ZNF462: variants seen among roughly 807,000 people sequenced by gnomAD.
ZNF462 encodes the protein zinc finger PBX1-interacting protein.
ZNF462 carries 10 observed loss-of-function variants against 201.9 expected under a neutral mutation model. The observed-to-expected ratio is 0.05, with a 90% CI of 0.03 to 0.08. The LOEUF (loss-of-function observed/expected upper bound fraction) is 0.08. Ranked by LOEUF, ZNF462 falls within the 10% of genes least tolerant of loss-of-function variation. The pLI, the probability that ZNF462 is intolerant of heterozygous loss-of-function variation, is 1.00. For synonymous variants in ZNF462, 1,227 were observed against 1,193.3 expected (o/e 1.03, Z -0.58); for missense variants, 2,523 against 3,168.3 (o/e 0.80, Z 4.89).
chr9:106,952,085 T>C (rs1831377516), intron 7 of ZNF462, among the ~76,000 whole-genome samples: 1 of 152,100 alleles, frequency 6.6e-6, no homozygotes, highest in South Asian at 2.1e-4. Context: ...GCTGGAACCA[T>C]GAGTTTGAGA....
rs1588219209 is a variant in ZNF462 at position 107,012,715 on chromosome 9, T to G, written c.*1685T>G. On this transcript the variant is annotated 3_prime_UTR_variant, in exon 13 of 13. Coordinates refer to ENST00000277225, the MANE Select transcript of ZNF462 (RefSeq NM_021224.6). ...TGTGAATCCTTTGGTTTTCATGTTT[T>G]TTTTTTTTTTTTTTTACTTGGAAGG... 1 of 136,446 alleles carries G rather than the reference T, an allele frequency of 7.3e-6. No homozygotes were observed. Among genetic ancestry groups the G allele is most frequent in the Non-Finnish European group, 1.5e-5 (1 of 65,040 alleles). 8.5% of individuals were successfully genotyped at this position (136,446 alleles called of 1,614,324 possible). A position where few individuals can be genotyped will look rare whatever the true frequency, so the allele number is the denominator to read the frequency against.
Position 106,928,870 on chromosome 9 carries a change from A to C in ZNF462, c.4958A>C (p.His1653Pro), listed in dbSNP as rs929663013. 3 of 1,613,942 alleles carry C rather than the reference A, an allele frequency of 1.9e-6. No individual in the cohort carries two copies. Among genetic ancestry groups the C allele is most frequent in the Non-Finnish European group, 2.5e-6 (3 of 1,180,002 alleles). The change falls in exon 3 of 13, where the codon CAC becomes CCC. Residue 1653 changes from histidine (H) to proline (P), a missense_variant. Physicochemically the swap from His to Pro is moderately conservative, Grantham distance 77. Coordinates refer to ENST00000277225, the MANE Select transcript of ZNF462 (RefSeq NM_021224.6). This position sits in a 1 kb window ranked among gnomAD's most constrained non-coding sequence, Gnocchi z 9.3. Reference sequence around the variant, plus strand: ...TCCACTTCTCACTTCTCTACCTCCCACCTGGTCTCCCACACTGTGTTCCGG... The same window carrying C: ...TCCACTTCTCACTTCTCTACCTCCCCCCTGGTCTCCCACACTGTGTTCCGG... ...PVSTSHFSTS[H>P]LVSHTVFRCQ...
At chr9:106,957,846 C>T (rs1439659641) in intron 7 of ZNF462, among the ~76,000 whole-genome samples, 2 of 152,056 alleles carry the variant, frequency 1.3e-5, no homozygotes, top group African/African-American at 2.4e-5. Flanking sequence ...CTGTGGTTTG[C>T]AGCACATGGA....
At chr9:106,959,593 G>A (rs888435531) in intron 7 of ZNF462, among the ~76,000 whole-genome samples, 1 of 152,046 alleles carries the variant, frequency 6.6e-6, no homozygotes, top group African/African-American at 2.4e-5. Context: ...GAGGTGTGTT[G>A]GGTTAAAAGT....
Position 106,938,817 on chromosome 9 carries a change from C to G in ZNF462, c.6236-99C>G. The G allele has an allele frequency of 7.8e-7, 1 of 1,282,100 alleles. No individual in the cohort carries two copies. Among genetic ancestry groups the G allele is most frequent in the Admixed American group, 2.5e-5 (1 of 40,472 alleles). 79.4% of individuals were successfully genotyped at this position (1,282,100 alleles called of 1,614,324 possible). ...AGAACATGAAGCTTGAGATGCGCTT[C>G]TCTAGCATGAGTTAACTGAGTTATC... On this transcript the variant is annotated intron_variant, in intron 6 of 12. Coordinates refer to ENST00000277225, the MANE Select transcript of ZNF462 (RefSeq NM_021224.6). This position sits in a 1 kb window ranked among gnomAD's most constrained non-coding sequence, Gnocchi z 4.4.
Position 106,925,553 on chromosome 9 carries a change from A to ACCG in ZNF462, c.1650_1652dup (p.Pro554dup), listed in dbSNP as rs778526221. ...AGCAACAGCCACCGCAGCCACCACCACCGCCGCCGCCACCACCACCATCAC... is the reference window on the plus strand; with the variant it reads ...AGCAACAGCCACCGCAGCCACCACCACCGCCGCCGCCGCCACCACCACCATCAC... On this transcript the variant is annotated inframe_insertion, in exon 3 of 13. Transcript: ENST00000277225. This position sits in a 1 kb window ranked among gnomAD's most constrained non-coding sequence, Gnocchi z 7.9. 6.2e-6 allele frequency: 10 copies of ACCG among 1,610,626 alleles called. No homozygotes were observed. The highest frequency in any genetic ancestry group is 8.5e-6 in the Non-Finnish European group (10 of 1,178,536).
Position 106,942,496 on chromosome 9 carries a change from C to G in ZNF462, c.6427+3389C>G, listed in dbSNP as rs368957332. Among the ~76,000 whole-genome samples, 102 of 152,222 alleles carry G rather than the reference C, an allele frequency of 6.7e-4. 2 individuals are homozygous for G. The South Asian group carries it at 0.021, about 31-fold the overall frequency. On this transcript the variant is annotated intron_variant, in intron 7 of 12. Transcript: ENST00000277225. ...GTTGTTGGAAAGAAAAGCAACGGCT[C>G]TATGGTATTGGTTTTGTGTATAAGA...
At position 106,978,907 on chromosome 9, in the gene ZNF462, T is replaced by C. The variant is rs1281083774; in HGVS notation, c.6832+4634T>C. 9.1e-6 allele frequency: 3 copies of C among 329,352 alleles called. No homozygotes were observed. The highest frequency in any genetic ancestry group is 3.7e-5 in the Admixed American group (1 of 27,356). 20.4% of individuals were successfully genotyped at this position (329,352 alleles called of 1,614,324 possible). On this transcript the variant is annotated intron_variant, in intron 9 of 12. Coordinates refer to ENST00000277225, the MANE Select transcript of ZNF462 (RefSeq NM_021224.6). The surrounding 1 kb of genome is among the most constrained non-coding windows in gnomAD (Gnocchi z 4.1). ...TCATCATATCTGTCATTATAATTGG[T>C]CCTGATGGCTTCTACCAGCTTAGCC...
In ZNF462 at chr9:106,970,733, C is replaced by T. The variant is rs2132023685; in HGVS notation, c.6428-1272C>T. 6.6e-6 allele frequency among the ~76,000 whole-genome samples: 1 copy of T among 152,314 alleles called. No individual in the cohort carries two copies. Reference sequence around the variant, plus strand: ...TATATAGGACAATGTTTTTGAATTTCTAACCTCCACATTGCAAGCAGCATG... The same window carrying T: ...TATATAGGACAATGTTTTTGAATTTTTAACCTCCACATTGCAAGCAGCATG... On this transcript the variant is annotated intron_variant, in intron 7 of 12. Transcript: ENST00000277225. This position sits in a 1 kb window ranked among gnomAD's most constrained non-coding sequence, Gnocchi z 4.2.
At chr9:106,988,072 A>G (rs1827989216) in intron 10 of ZNF462, among the ~76,000 whole-genome samples, 1 of 152,140 alleles carries the variant, frequency 6.6e-6, no homozygotes. Flanking sequence ...ACAGCATAGT[A>G]CAGTTTGAAA....
intron 1 of ZNF462, among the ~76,000 whole-genome samples, chr9:106,898,433 G>T (rs1157280250): frequency 1.3e-5 from 2 of 152,138 alleles, no homozygotes; most frequent in East Asian, 3.9e-4. Context: ...TGGAGGGGGG[G>T]TCATTTGGTA....
At chr9:106,952,645 G>GGAAT (rs1831402512) in intron 7 of ZNF462, among the ~76,000 whole-genome samples, 1 of 152,132 alleles carries the variant, frequency 6.6e-6, no homozygotes, top group Admixed American at 6.5e-5. Context: ...ATGGGCTAGT[G>GGAAT]GAATGCATTG....
At chr9:106,866,070 A>G (rs755681476) in intron 1 of ZNF462, among the ~76,000 whole-genome samples, 1 of 152,212 alleles carries the variant, frequency 6.6e-6, no homozygotes, top group Non-Finnish European at 1.5e-5. Context: ...CCACGGTGGA[A>G]TGAAAACTTG....
intron 9 of ZNF462, chr9:106,976,072 G>T (rs1238519600): frequency 6.6e-6 from 1 of 152,158 alleles, no homozygotes; most frequent in Non-Finnish European, 1.5e-5. Flanking sequence ...TTTCACAAAG[G>T]TTTTAAGATA....
At chr9:106,953,775 C>T (rs551032068) in intron 7 of ZNF462, among the ~76,000 whole-genome samples, 3 of 152,230 alleles carry the variant, frequency 2.0e-5, no homozygotes, top group South Asian at 4.1e-4. Flanking sequence ...TCTCCACCTG[C>T]GGGTCTCATT....
intron 7 of ZNF462, among the ~76,000 whole-genome samples, chr9:106,945,435 G>C (rs1211609397): frequency 6.6e-6 from 1 of 152,140 alleles, no homozygotes; most frequent in Admixed American, 6.6e-5. Flanking sequence ...GATCCAGTTA[G>C]TTGCTAGGGC....
chr9:106,944,694 T>C (rs186659368), intron 7 of ZNF462, among the ~76,000 whole-genome samples: 1 of 152,318 alleles, frequency 6.6e-6, no homozygotes, highest in East Asian at 1.9e-4. Flanking sequence ...TATAATTGTG[T>C]ATCTATTTAC....
chr9:106,863,068 GGA>G (rs746549645), upstream of ZNF462: 24 of 393,544 alleles, frequency 6.1e-5, no homozygotes, highest in Middle Eastern at 6.4e-4. Context: ...AGAGAGAAGA[GGA>G]GAGAGAGGGG....
In ZNF462 at chr9:106,928,097, C is replaced by A. The variant is rs145741236; in HGVS notation, c.4185C>A (p.Ala1395=). The change falls in exon 3 of 13, where the codon GCC becomes GCA. Residue 1395 remains alanine, a synonymous_variant. Transcript: ENST00000277225. This position sits in a 1 kb window ranked among gnomAD's most constrained non-coding sequence, Gnocchi z 9.3. Reference sequence around the variant, plus strand: ...ACTACCAAGCATTCCACCCCTGGGCCATGAATGGTGATGAGTCAGTGCTAC... The same window carrying A: ...ACTACCAAGCATTCCACCCCTGGGCAATGAATGGTGATGAGTCAGTGCTAC... ...TNHYQAFHPW[A]MNGDESVLLD... is the part of the protein sequence containing the mutation. 14 of 1,614,052 alleles carry A rather than the reference C, an allele frequency of 8.7e-6. No homozygotes were observed.
Sources: gnomAD v4.1 joint callset for allele counts (sites outside exome capture counted in the v4.1 genomes callset) on GRCh38, gnomAD v4.1.1 for gene constraint, Gnocchi (gnomAD v3.1) non-coding constraint, MANE v1.5 for transcripts, NCBI Gene and HGNC (gene_info 2026-07-23, HGNC 2026-07-21) for gene names.